Variants in ATP11A observed in about 807,000 individuals in gnomAD.
ATP11A encodes ATPase phospholipid transporting 11A, also known as phospholipid-transporting ATPase IH.
Under a neutral mutation model 154.4 loss-of-function variants are expected in ATP11A, and 81 were observed. That is an observed-to-expected ratio of 0.52 (90% confidence interval 0.44 to 0.63). ATP11A has a LOEUF of 0.63. Ranked by LOEUF, ATP11A falls within the 30% of genes least tolerant of loss-of-function variation. The probability of loss-of-function intolerance (pLI) is 0.00; values close to 1 mark genes in which losing one functional copy is unlikely to be tolerated. For missense variants in ATP11A, 1,316 were observed against 1,474.3 expected (o/e 0.89, Z 1.76); for synonymous variants, 623 against 585.9 (o/e 1.06, Z -0.91).
chr13:112,705,683 G>T lies in ATP11A; in HGVS notation c.39+15228G>T, dbSNP rs1389139661. On this transcript the variant is annotated intron_variant, in intron 1 of 29. Transcript: ENST00000375645. ...CTAGTCTGAGACCTAAGCAGGTGTC[G>T]ACTGCCCCTTTAGTTTTCTTGCTCA... Among the ~76,000 whole-genome samples the T allele has an allele frequency of 2.0e-5, 3 of 152,156 alleles. No individual in the cohort carries two copies. In the South Asian group the frequency reaches 6.2e-4, roughly 32 times the overall value.
At chr13:112,737,822 C>T (rs929959477) in intron 1 of ATP11A, among the ~76,000 whole-genome samples, 1 of 152,286 alleles carries the variant, frequency 6.6e-6, no homozygotes, top group Admixed American at 6.5e-5. Flanking sequence ...AGGTTTGCTG[C>T]CAGTGCTACA....
intron 1 of ATP11A, among the ~76,000 whole-genome samples, chr13:112,730,660 A>C (rs994499292): frequency 6.6e-6 from 1 of 152,220 alleles, no homozygotes; most frequent in Non-Finnish European, 1.5e-5. Flanking sequence ...CCTTCTGGAC[A>C]CACTGCTGGG....
intron 4 of ATP11A, among the ~76,000 whole-genome samples, chr13:112,809,115 C>T (rs1012293773): frequency 1.3e-5 from 2 of 152,054 alleles, no homozygotes; most frequent in Non-Finnish European, 2.9e-5. Context: ...GCCCCTGGTG[C>T]CTGGCACTTG....
At chr13:112,740,156 A>ATATATATCTCTC (rs1555311750) in intron 1 of ATP11A, among the ~76,000 whole-genome samples, 1 of 146,690 alleles carries the variant, frequency 6.8e-6, no homozygotes, top group African/African-American at 2.6e-5. Context: ...CTCTATATAT[A>ATATATATCTCTC]TATATATATA....
intron 1 of ATP11A, among the ~76,000 whole-genome samples, chr13:112,714,034 C>T (rs1888109678): frequency 6.7e-6 from 1 of 148,360 alleles, no homozygotes; most frequent in Non-Finnish European, 1.5e-5. Context: ...CCACACCTCC[C>T]TTTCACTCCC....
intron 8 of ATP11A, among the ~76,000 whole-genome samples, chr13:112,822,542 G>T (rs2078825947): frequency 6.6e-6 from 1 of 152,080 alleles, no homozygotes; most frequent in African/African-American, 2.4e-5. Flanking sequence ...TTTGTCTCCA[G>T]GAATAAGACT....
rs536161218 is a variant in ATP11A at position 112,818,289 on chromosome 13, C to CG, written c.571-1015_571-1014insG. 5.7e-3 allele frequency among the ~76,000 whole-genome samples: 824 copies of CG among 144,742 alleles called. 9 individuals carry two copies. Among genetic ancestry groups the CG allele is most frequent in the African/African-American group, 0.02 (779 of 38,326 alleles). 95.0% of individuals were successfully genotyped at this position (144,742 alleles called of 152,430 possible). On this transcript the variant is annotated intron_variant, in intron 6 of 29. Transcript: ENST00000375645. ...CGATGACCGTTGGTGCGCTTGGTGA[C>CG]AGGCGATGACCGTTGGTGCGCTTGG...
At position 112,696,709 on chromosome 13, in the gene ATP11A, C is replaced by G. The variant is rs1199946969; in HGVS notation, c.39+6254C>G. ...GGTTCCCTTACCAAGGTCTCCATCACCCCCAGGCCCACCTCCCTCGGGCCC... is the reference window on the plus strand; with the variant it reads ...GGTTCCCTTACCAAGGTCTCCATCAGCCCCAGGCCCACCTCCCTCGGGCCC... On this transcript the variant is annotated intron_variant, in intron 1 of 29. Transcript: ENST00000375645. This position sits in a 1 kb window ranked among gnomAD's most constrained non-coding sequence, Gnocchi z 6.2. 1 of 152,324 alleles carries G rather than the reference C, an allele frequency of 6.6e-6. No individual in the cohort carries two copies. Among genetic ancestry groups the G allele is most frequent in the Admixed American group, 6.5e-5 (1 of 15,280 alleles). The allele number at this position is 152,324 out of a possible 1,614,324, so 9.4% of individuals were successfully genotyped here.
chr13:112,786,739 G>T (rs1283324609), intron 2 of ATP11A, among the ~76,000 whole-genome samples: 2 of 152,270 alleles, frequency 1.3e-5, no homozygotes, highest in Non-Finnish European at 2.9e-5. Context: ...GCACACGCGT[G>T]GACGGGCTGC....
At chr13:112,770,408 AAAG>A (rs1463940782) in intron 1 of ATP11A, among the ~76,000 whole-genome samples, 2 of 152,202 alleles carry the variant, frequency 1.3e-5, no homozygotes. Flanking sequence ...TTGAGGAAGA[AAAG>A]AAAAAAGGAA....
chr13:112,704,188 C>T (rs1205684694), intron 1 of ATP11A, among the ~76,000 whole-genome samples: 1 of 152,200 alleles, frequency 6.6e-6, no homozygotes. Flanking sequence ...GTTCCCAAGC[C>T]AGCTGTCGTC....
chr13:112,813,122 C>T (rs188717527), intron 5 of ATP11A, among the ~76,000 whole-genome samples: 6 of 152,334 alleles, frequency 3.9e-5, no homozygotes, highest in Non-Finnish European at 5.9e-5. Flanking sequence ...TTTCCTACAA[C>T]GGCAGACATC....
intron 2 of ATP11A, among the ~76,000 whole-genome samples, chr13:112,793,600 C>T (rs2077919158): frequency 6.6e-6 from 1 of 152,246 alleles, no homozygotes; most frequent in Non-Finnish European, 1.5e-5. Flanking sequence ...GCATCCCTGC[C>T]TCCCGGTCAT....
chr13:112,813,685 T>C (rs1290472296), intron 5 of ATP11A, among the ~76,000 whole-genome samples: 1 of 152,168 alleles, frequency 6.6e-6, no homozygotes, highest in Non-Finnish European at 1.5e-5. Flanking sequence ...AACTGCCAAA[T>C]GGTTTTCCAG....
chr13:112,846,673 A>G (rs1473479993), intron 17 of ATP11A, among the ~76,000 whole-genome samples: 2 of 152,104 alleles, frequency 1.3e-5, no homozygotes, highest in Non-Finnish European at 2.9e-5. Flanking sequence ...TGGGGCAGGG[A>G]CGGTGCCCCT....
At chr13:112,705,675 C>G (rs1887068108) in intron 1 of ATP11A, among the ~76,000 whole-genome samples, 6 of 152,240 alleles carry the variant, frequency 3.9e-5, no homozygotes, top group Admixed American at 3.9e-4. Context: ...GAGACCTAAG[C>G]AGGTGTCGAC....
chr13:112,862,449 C>T lies in ATP11A; in HGVS notation c.2865C>T (p.Ala955=). Residue 955 remains alanine (A), a synonymous_variant, in exon 25 of 30, where the codon GCC becomes GCT. Coordinates refer to ENST00000375645, the MANE Select transcript of ATP11A (RefSeq NM_015205.3). ...CCTTTCTCCTCACCAGGGACGTCGC[C>T]AAGAATGCCCTGCTGCGCTGGCGCG... ...KRDPTLYRDV[A]KNALLRWRVF... 6.2e-7 allele frequency: 1 copy of T among 1,613,832 alleles called. No homozygotes were observed. Among genetic ancestry groups the T allele is most frequent in the Non-Finnish European group, 8.5e-7 (1 of 1,180,002 alleles).
chr13:112,780,207 A>G (rs978761153), intron 1 of ATP11A, among the ~76,000 whole-genome samples: 1 of 152,124 alleles, frequency 6.6e-6, no homozygotes, highest in African/African-American at 2.4e-5. Context: ...AAAGCATGCA[A>G]TCCGTTGGTT....
At chr13:112,756,885 ACGGGGCCTGCTCCCAGCG>A (rs377481853) in intron 1 of ATP11A, among the ~76,000 whole-genome samples, 9 of 130,644 alleles carry the variant, frequency 6.9e-5, no homozygotes, top group East Asian at 2.2e-4. Context: ...TGCTCCCAGC[ACGGGGCCTGCTCCCAGCG>A]CGGGGCCTGC....
Sources: allele counts gnomAD v4.1 joint callset (sites outside exome capture counted in the v4.1 genomes callset), GRCh38; gene constraint gnomAD v4.1.1; non-coding constraint Gnocchi (gnomAD v3.1); transcripts MANE v1.5; gene names NCBI Gene and HGNC (gene_info 2026-07-23, HGNC 2026-07-21).